The following GRID2 variants were observed in gnomAD, a reference collection of about 807,000 sequenced individuals.
GRID2 encodes glutamate ionotropic receptor delta type subunit 2.
GRID2 carries 33 observed loss-of-function variants against 114.8 expected under a neutral mutation model. The ratio of observed to expected loss-of-function variants is 0.29; its 90% CI spans 0.22 to 0.38. The LOEUF (loss-of-function observed/expected upper bound fraction) is 0.38, where lower values mean the gene tolerates loss of function less well. GRID2 is among the 10% of genes least tolerant of loss of function. The pLI is 1.00. For synonymous variants in GRID2, 505 were observed against 449.9 expected (o/e 1.12, Z -1.55); for missense variants, 1,184 against 1,257.7 (o/e 0.94, Z 0.89).
chr4:92,493,143 A>T (rs974823161), intron 1 of GRID2, among the ~76,000 whole-genome samples: 2 of 151,858 alleles, frequency 1.3e-5, no homozygotes, highest in Non-Finnish European at 2.9e-5. Context: ...AAAAAAAAAA[A>T]AAAAGAATTG....
At chr4:92,446,850 AG>A (rs1450053090) in intron 1 of GRID2, among the ~76,000 whole-genome samples, 1 of 152,230 alleles carries the variant, frequency 6.6e-6, no homozygotes, top group Non-Finnish European at 1.5e-5. Context: ...TAACAGCAGA[AG>A]TTCTCAAGTT....
intron 2 of GRID2, among the ~76,000 whole-genome samples, chr4:93,028,825 G>A (rs1724127225): frequency 6.6e-6 from 1 of 151,920 alleles, no homozygotes; most frequent in African/African-American, 2.4e-5. Flanking sequence ...CCCACTTAGA[G>A]GATCTGTAAG....
intron 14 of GRID2, among the ~76,000 whole-genome samples, chr4:93,720,907 T>TTGC (rs1447092888): frequency 7.2e-5 from 11 of 152,290 alleles, no homozygotes; most frequent in African/African-American, 2.4e-4. Flanking sequence ...GTTGTTGTTG[T>TTGC]TGCTGCTGCT....
chr4:92,970,619 C>A (rs1007652306), intron 2 of GRID2, among the ~76,000 whole-genome samples: 2 of 151,780 alleles, frequency 1.3e-5, no homozygotes, highest in Non-Finnish European at 2.9e-5. Context: ...TCATAAACAT[C>A]AAAAATTTGA....
chr4:92,572,431 T>G (rs1426917286), intron 1 of GRID2, among the ~76,000 whole-genome samples: 1 of 152,110 alleles, frequency 6.6e-6, no homozygotes, highest in Non-Finnish European at 1.5e-5. Context: ...ACCAGAAGGA[T>G]TCACAGCCGA....
chr4:92,513,162 A>C (rs2149133330), intron 1 of GRID2, among the ~76,000 whole-genome samples: 1 of 152,008 alleles, frequency 6.6e-6, no homozygotes, highest in East Asian at 1.9e-4. Flanking sequence ...CTTTGTCAAT[A>C]AAAGCTGACT....
intron 1 of GRID2, among the ~76,000 whole-genome samples, chr4:92,438,128 CG>C (rs1249703583): frequency 6.6e-6 from 1 of 152,014 alleles, no homozygotes; most frequent in Non-Finnish European, 1.5e-5. Context: ...TTATTTTATA[CG>C]TACATATGCC....
At chr4:92,471,474 AT>A (rs1398448842) in intron 1 of GRID2, among the ~76,000 whole-genome samples, 1 of 152,022 alleles carries the variant, frequency 6.6e-6, no homozygotes, top group Non-Finnish European at 1.5e-5. Context: ...TTTTCCCATT[AT>A]GTTTTCTCCT....
At chr4:93,282,619 C>G (rs939409437) in intron 8 of GRID2, among the ~76,000 whole-genome samples, 1 of 152,044 alleles carries the variant, frequency 6.6e-6, no homozygotes, top group African/African-American at 2.4e-5. Context: ...CATCCCACCT[C>G]TCAATATTGT....
Position 92,621,644 on chromosome 4 carries a change from G to A in GRID2, c.244+31358G>A, listed in dbSNP as rs960716627. 2.6e-5 allele frequency among the ~76,000 whole-genome samples: 4 copies of A among 151,660 alleles called. No individual in the cohort carries two copies. The South Asian group carries it at 8.3e-4, about 31-fold the overall frequency. Reference sequence around the variant, plus strand: ...CACTGCACTTAGCGCAGGGCAAAAAGCGAGACATCATCTCTTAAAAAAATC... The same window carrying A: ...CACTGCACTTAGCGCAGGGCAAAAAACGAGACATCATCTCTTAAAAAAATC... On this transcript the variant is annotated intron_variant, in intron 2 of 15. Transcript: ENST00000282020.
intron 14 of GRID2, among the ~76,000 whole-genome samples, chr4:93,732,970 T>C (rs2110229792): frequency 6.6e-6 from 1 of 152,120 alleles, no homozygotes; most frequent in African/African-American, 2.4e-5. Flanking sequence ...AGAAAGATTA[T>C]TTGAAAGCAT....
intron 2 of GRID2, among the ~76,000 whole-genome samples, chr4:92,699,287 A>C (rs17019792): frequency 0.076 from 11,559 of 152,180 alleles, 468 homozygotes; most frequent in East Asian, 0.089. Flanking sequence ...ATAAACTGAT[A>C]ATGCTATAAT....
intron 1 of GRID2, among the ~76,000 whole-genome samples, chr4:92,500,321 C>A (rs1180664142): frequency 6.6e-6 from 1 of 151,956 alleles, no homozygotes; most frequent in South Asian, 2.1e-4. Flanking sequence ...GATCTCCCAG[C>A]GCAATCATTA....
At chr4:93,494,074 T>A (rs1727289504) in intron 12 of GRID2, among the ~76,000 whole-genome samples, 3 of 151,856 alleles carry the variant, frequency 2.0e-5, no homozygotes, top group Non-Finnish European at 4.4e-5. Flanking sequence ...TTAGAAACAT[T>A]CAAAATCTCA....
At chr4:93,672,740 C>T (rs935757484) in intron 14 of GRID2, among the ~76,000 whole-genome samples, 9 of 152,324 alleles carry the variant, frequency 5.9e-5, no homozygotes, top group Middle Eastern at 6.8e-3. Flanking sequence ...TTTGCTTATA[C>T]CACAGCCATC....
chr4:92,862,226 T>C (rs1045942816), intron 2 of GRID2, among the ~76,000 whole-genome samples: 1 of 152,044 alleles, frequency 6.6e-6, no homozygotes, highest in Non-Finnish European at 1.5e-5. Context: ...ATTTTCACTC[T>C]AATTTCATAG....
chr4:92,464,346 A>G (rs747092849), intron 1 of GRID2, among the ~76,000 whole-genome samples: 1 of 152,018 alleles, frequency 6.6e-6, no homozygotes, highest in Non-Finnish European at 1.5e-5. Flanking sequence ...TCAAATAAAG[A>G]CTTCACACCA....
At chr4:92,496,799 A>G (rs1723409222) in intron 1 of GRID2, among the ~76,000 whole-genome samples, 2 of 151,868 alleles carry the variant, frequency 1.3e-5, no homozygotes, top group South Asian at 4.2e-4. Context: ...CAGAAGGGAC[A>G]TATATTCACA....
At chr4:92,928,486 A>G (rs1457590126) in intron 2 of GRID2, among the ~76,000 whole-genome samples, 1 of 151,666 alleles carries the variant, frequency 6.6e-6, no homozygotes, top group East Asian at 1.9e-4. Context: ...AAAGTAATAA[A>G]AAATGACTAT....
Sources: allele counts gnomAD v4.1 joint callset (sites outside exome capture counted in the v4.1 genomes callset), GRCh38; gene constraint gnomAD v4.1.1; transcripts MANE v1.5; gene names NCBI Gene and HGNC (gene_info 2026-07-23, HGNC 2026-07-21).